Variants in ARID3B observed in about 807,000 individuals in gnomAD.
The protein encoded by ARID3B is AT-rich interaction domain 3B, also known as AT-rich interactive domain-containing protein 3B.
ARID3B carries 10 observed loss-of-function variants against 51.9 expected under a neutral mutation model. The ratio of observed to expected loss-of-function variants is 0.19; its 90% CI spans 0.12 to 0.33. The LOEUF (loss-of-function observed/expected upper bound fraction) is 0.33, where lower values mean the gene tolerates loss of function less well. ARID3B is among the 10% of genes least tolerant of loss of function. The pLI is 1.00. For synonymous variants in ARID3B, 205 were observed against 279.5 expected, an observed-to-expected ratio of 0.73 and a Z score of 2.66; for missense variants, 483 against 716.3, an observed-to-expected ratio of 0.67 and a Z score of 3.72.
chr15:74,577,093 A>C (rs1596259930), intron 4 of ARID3B, among the ~76,000 whole-genome samples: 1 of 152,302 alleles, frequency 6.6e-6, no homozygotes, highest in Non-Finnish European at 1.5e-5. Flanking sequence ...CTGAGGCAGG[A>C]AGATAGTGTA....
At chr15:74,590,238 T>G (rs1396183185) in intron 5 of ARID3B, among the ~76,000 whole-genome samples, 1 of 152,228 alleles carries the variant, frequency 6.6e-6, no homozygotes, top group Non-Finnish European at 1.5e-5. Flanking sequence ...AACCTCACAG[T>G]CAACCCTGTA....
Position 74,589,021 on chromosome 15 carries a change from C to CTT in ARID3B, c.698-772_698-771dup, listed in dbSNP as rs900091332. Among the ~76,000 whole-genome samples, 138 of 87,848 alleles carry CTT rather than the reference C, an allele frequency of 1.6e-3. 6 individuals are homozygous for CTT. Among genetic ancestry groups the CTT allele is most frequent in the East Asian group, 7.8e-3 (12 of 1,530 alleles). 57.6% of individuals were successfully genotyped at this position (87,848 alleles called of 152,430 possible). ...GCAGGCATGTGCAAACAAGCACACTCTTTTTTTTTTTTTTTTTTTTTTTTT... is the reference window on the plus strand; with the variant it reads ...GCAGGCATGTGCAAACAAGCACACTCTTTTTTTTTTTTTTTTTTTTTTTTTTT... On this transcript the variant is annotated intron_variant, in intron 4 of 8. Transcript: ENST00000346246.
intron 2 of ARID3B, among the ~76,000 whole-genome samples, chr15:74,572,084 G>T (rs1214438717): frequency 6.6e-6 from 1 of 152,066 alleles, no homozygotes; most frequent in Admixed American, 6.5e-5. Context: ...ATTCCAGCTT[G>T]GGCAACAAGA....
intron 4 of ARID3B, among the ~76,000 whole-genome samples, chr15:74,587,214 A>G (rs2061784831): frequency 6.6e-6 from 1 of 152,260 alleles, no homozygotes; most frequent in Non-Finnish European, 1.5e-5. Flanking sequence ...TGCAGTGTTC[A>G]AGTTGATCGT....
At position 74,598,091 on chromosome 15, in the gene ARID3B, C is replaced by G; in HGVS notation, c.*2317C>G. On this transcript the variant is annotated 3_prime_UTR_variant, in exon 9 of 9. Transcript: ENST00000346246. ...GGTTATTTTCTATCTTACATGTTCT[C>G]GAATGTTTATATTTCAATAAACCTC... The G allele has an allele frequency of 2.0e-6, 1 of 509,148 alleles. No individual in the cohort carries two copies. Among genetic ancestry groups the G allele is most frequent in the Non-Finnish European group, 3.8e-6 (1 of 259,810 alleles). The allele number at this position is 509,148 out of a possible 1,614,324, so 31.5% of individuals were successfully genotyped here. A position where few individuals can be genotyped will look rare whatever the true frequency, so the allele number is the denominator to read the frequency against.
intron 4 of ARID3B, among the ~76,000 whole-genome samples, chr15:74,582,557 A>G (rs1486364345): frequency 6.6e-6 from 1 of 152,194 alleles, no homozygotes; most frequent in Non-Finnish European, 1.5e-5. Flanking sequence ...CTGGAGTAGC[A>G]AAAAAGGTAA....
At chr15:74,541,654 A>T (rs956091828) in intron 1 of ARID3B, among the ~76,000 whole-genome samples, 7 of 140,828 alleles carry the variant, frequency 5.0e-5, no homozygotes, top group Non-Finnish European at 7.6e-5. Flanking sequence ...GGTAAAAATG[A>T]TAGGGCTGAA....
At chr15:74,582,040 G>A (rs990280050) in intron 4 of ARID3B, among the ~76,000 whole-genome samples, 2 of 152,140 alleles carry the variant, frequency 1.3e-5, no homozygotes, top group Non-Finnish European at 2.9e-5. Flanking sequence ...AGCCCAGCCA[G>A]CCTTCCACTC....
In ARID3B at chr15:74,598,131, A is replaced by G. The variant is rs1333384923; in HGVS notation, c.*2357A>G. 2 of 459,884 alleles carry G rather than the reference A, an allele frequency of 4.3e-6. No individual in the cohort carries two copies. Among genetic ancestry groups the G allele is most frequent in the African/African-American group, 3.9e-5 (2 of 51,240 alleles). 28.5% of individuals were successfully genotyped at this position (459,884 alleles called of 1,614,324 possible). On this transcript the variant is annotated 3_prime_UTR_variant, in exon 9 of 9. Transcript: ENST00000346246. ...CAATAAACCTCTACCTCTTCACACA[A>G]GCAGGTCTCTCTCAGTTGCTTTGAG...
At chr15:74,543,689 A>G (rs535586425) in intron 1 of ARID3B, among the ~76,000 whole-genome samples, 171 bp from the exon 2 acceptor site, 2 of 151,952 alleles carry the variant, frequency 1.3e-5, no homozygotes, top group South Asian at 4.2e-4. Context: ...ACCTTTTCCT[A>G]CCCACCCACG....
Position 74,550,253 on chromosome 15 carries a change from C to A in ARID3B, c.552+5765C>A, listed in dbSNP as rs1411942143. Reference sequence around the variant, plus strand: ...CAGCACTCCATGATATCTTTGATATCTTTGGTGATATATGAGAGAGCTTGG... The same window carrying A: ...CAGCACTCCATGATATCTTTGATATATTTGGTGATATATGAGAGAGCTTGG... On this transcript the variant is annotated intron_variant, in intron 2 of 8. Coordinates refer to ENST00000346246, the MANE Select transcript of ARID3B (RefSeq NM_006465.4). Among the ~76,000 whole-genome samples the A allele has an allele frequency of 2.0e-5, 3 of 152,136 alleles. No homozygotes were observed. The East Asian group carries it at 5.8e-4, about 29-fold the overall frequency.
At chr15:74,582,016 A>G (rs1203720227) in intron 4 of ARID3B, among the ~76,000 whole-genome samples, 2 of 152,224 alleles carry the variant, frequency 1.3e-5, no homozygotes, top group African/African-American at 4.8e-5. Context: ...CAGAAGGCCC[A>G]TGAGGTGTGC....
Sources: gnomAD v4.1 joint callset for allele counts (sites outside exome capture counted in the v4.1 genomes callset) on GRCh38, gnomAD v4.1.1 for gene constraint, MANE v1.5 for transcripts, NCBI Gene and HGNC (gene_info 2026-07-23, HGNC 2026-07-21) for gene names.